The following DPT variants were observed in gnomAD, a reference collection of about 807,000 sequenced individuals.
The protein encoded by DPT is dermatopontin.
DPT carries 21 observed loss-of-function variants against 31.2 expected under a neutral mutation model. The observed-to-expected ratio is 0.67, with a 90% CI of 0.48 to 0.97. DPT has a LOEUF of 0.97. DPT is among the 50% of genes least tolerant of loss of function. The pLI is 0.00. For synonymous variants in DPT, 91 were observed against 86.9 expected (o/e 1.05, Z -0.26); for missense variants, 262 against 258.8 (o/e 1.01, Z -0.08).
At chr1:168,727,741 T>C (rs148653164) in intron 1 of DPT, among the ~76,000 whole-genome samples, 4 of 151,918 alleles carry the variant, frequency 2.6e-5, no homozygotes, top group African/African-American at 9.7e-5. Context: ...TCTGGCTGTG[T>C]TCCCTAGGCT....
At chr1:168,726,374 C>G (rs375476748) in intron 1 of DPT, among the ~76,000 whole-genome samples, 1 of 152,236 alleles carries the variant, frequency 6.6e-6, no homozygotes, top group East Asian at 1.9e-4. Context: ...TAAAACTAAA[C>G]ATCATTTGGC....
At chr1:168,710,642 C>T (rs1218435896) in intron 2 of DPT, among the ~76,000 whole-genome samples, 1 of 152,124 alleles carries the variant, frequency 6.6e-6, no homozygotes, top group Non-Finnish European at 1.5e-5. Context: ...TTTTTAGCAT[C>T]TTAGCTGGTG....
intron 2 of DPT, among the ~76,000 whole-genome samples, chr1:168,709,146 C>G (rs986656762): frequency 2.6e-5 from 4 of 152,142 alleles, no homozygotes; most frequent in Non-Finnish European, 5.9e-5. Context: ...AATGAAAGGC[C>G]ATGGGTCTGG....
chr1:168,717,364 T>C (rs960831717), intron 1 of DPT, among the ~76,000 whole-genome samples: 33 of 152,216 alleles, frequency 2.2e-4, no homozygotes, highest in Non-Finnish European at 1.0e-4. Flanking sequence ...TTTTGAGAAG[T>C]GTCTGGTCAT....
intron 1 of DPT, among the ~76,000 whole-genome samples, chr1:168,723,557 G>A (rs951518218): frequency 6.6e-6 from 1 of 152,182 alleles, no homozygotes; most frequent in Non-Finnish European, 1.5e-5. Flanking sequence ...CTTATGTAAA[G>A]TTATGGATTT....
At chr1:168,704,037 G>A (rs1649661722) in intron 2 of DPT, among the ~76,000 whole-genome samples, 1 of 152,228 alleles carries the variant, frequency 6.6e-6, no homozygotes, top group Non-Finnish European at 1.5e-5. Flanking sequence ...CTGAGACAGG[G>A]CATAGGGACT....
At chr1:168,707,572 A>C (rs1360081232) in intron 2 of DPT, among the ~76,000 whole-genome samples, 1 of 152,172 alleles carries the variant, frequency 6.6e-6, no homozygotes, top group African/African-American at 2.4e-5. Context: ...CACCAAATAC[A>C]GTCGATATGG....
intron 2 of DPT, among the ~76,000 whole-genome samples, chr1:168,706,601 C>A (rs1446517907): frequency 6.6e-6 from 1 of 152,174 alleles, no homozygotes; most frequent in Non-Finnish European, 1.5e-5. Context: ...ACCCAAGTGC[C>A]CTTCTCTGCA....
intron 1 of DPT, among the ~76,000 whole-genome samples, chr1:168,721,523 A>G (rs1475495281): frequency 1.3e-5 from 2 of 152,180 alleles, no homozygotes; most frequent in South Asian, 2.1e-4. Flanking sequence ...ATTGGAGCCT[A>G]CATTAGAAAT....
chr1:168,702,334 A>T (rs911898687), intron 2 of DPT, among the ~76,000 whole-genome samples: 15 of 152,246 alleles, frequency 9.9e-5, no homozygotes, highest in Non-Finnish European at 1.9e-4. Flanking sequence ...GGCTCCTAGG[A>T]GGATCTCAGT....
chr1:168,707,749 G>A (rs1649754888), intron 2 of DPT, among the ~76,000 whole-genome samples: 1 of 152,136 alleles, frequency 6.6e-6, no homozygotes, highest in African/African-American at 2.4e-5. Context: ...GGTTTTATAA[G>A]GGGCTTTTCC....
chr1:168,700,894 T>G, intron 3 of DPT, 123 bp downstream of exon 3: 2 of 555,780 alleles, frequency 3.6e-6, no homozygotes, highest in Admixed American at 3.3e-5. Flanking sequence ...ATTCTACGTG[T>G]GTGTGTGTGT....
chr1:168,701,172 T>C (rs1649588606), intron 2 of DPT, 48 bp from the exon 3 acceptor site: 1 of 1,395,512 alleles, frequency 7.2e-7, no homozygotes, highest in African/African-American at 1.4e-5. Flanking sequence ...ACATTATTAT[T>C]GCTGGGAGCA....
intron 1 of DPT, among the ~76,000 whole-genome samples, chr1:168,722,517 C>T (rs1202576875): frequency 9.2e-5 from 14 of 152,076 alleles, no homozygotes; most frequent in Admixed American, 3.9e-4. Flanking sequence ...TAGCACTATG[C>T]GTGCATTAAT....
chr1:168,707,497 A>G (rs1000162577), intron 2 of DPT, among the ~76,000 whole-genome samples: 3 of 152,200 alleles, frequency 2.0e-5, no homozygotes, highest in African/African-American at 7.2e-5. Flanking sequence ...TTAGCCAGAC[A>G]CATCTATGAT....
intron 1 of DPT, among the ~76,000 whole-genome samples, chr1:168,722,194 A>G (rs1303632753): frequency 6.6e-6 from 1 of 152,222 alleles, no homozygotes; most frequent in Non-Finnish European, 1.5e-5. Context: ...ACGTGAGTTT[A>G]TGAATATCAA....
At chr1:168,706,597 G>C (rs1244126152) in intron 2 of DPT, among the ~76,000 whole-genome samples, 1 of 152,198 alleles carries the variant, frequency 6.6e-6, no homozygotes, top group African/African-American at 2.4e-5. Flanking sequence ...AGTCACCCAA[G>C]TGCCCTTCTC....
rs1467789730 is a variant in DPT, at chr1:168,714,519, C to T, written c.306-173G>A. 7.2e-5 allele frequency among the ~76,000 whole-genome samples: 11 copies of T among 152,176 alleles called. No individual in the cohort carries two copies. In the East Asian group the frequency reaches 2.1e-3, roughly 29 times the overall value. On this transcript the variant is annotated intron_variant, in intron 1 of 3. Coordinates refer to ENST00000367817, the MANE Select transcript of DPT (RefSeq NM_001937.5). Reference sequence around the variant, plus strand: ...TATTTGTAGAAATAACATAGCCCCTCCATTAAAATTTAAGTGACTCAGAAT... The same window carrying T: ...TATTTGTAGAAATAACATAGCCCCTTCATTAAAATTTAAGTGACTCAGAAT...
chr1:168,723,425 G>C (rs1650166553), intron 1 of DPT, among the ~76,000 whole-genome samples: 1 of 152,162 alleles, frequency 6.6e-6, no homozygotes, highest in Non-Finnish European at 1.5e-5. Flanking sequence ...CCTGGGGCCT[G>C]GGAAAGTTTG....
Sources: allele counts gnomAD v4.1 joint callset (sites outside exome capture counted in the v4.1 genomes callset), GRCh38; gene constraint gnomAD v4.1.1; transcripts MANE v1.5; gene names NCBI Gene and HGNC (gene_info 2026-07-23, HGNC 2026-07-21).